The following NHERF2 variants were observed in gnomAD, a reference collection of about 807,000 sequenced individuals.
NHERF2 encodes the protein Na(+)/H(+) exchange regulatory cofactor NHE-RF2.
the NHERF2 span, among the ~76,000 whole-genome samples, chr16:2,030,155 G>A: frequency 2.0e-4 from 31 of 152,198 alleles, no homozygotes; most frequent in Non-Finnish European, 3.2e-4. Context: ...GCCTGTGCTG[G>A]GTGTCATCCG....
At chr16:2,035,848 A>AG in the NHERF2 span, 13 of 255,444 alleles carry the variant, frequency 5.1e-5, no homozygotes, top group South Asian at 1.8e-3. Flanking sequence ...GAAAGCAAAC[A>AG]GAGCCGCCAC....
chr16:2,035,372 C>T, the NHERF2 span: 113 of 984,948 alleles, frequency 1.1e-4, no homozygotes, highest in South Asian at 1.4e-4. Flanking sequence ...CTGAGCGCCC[C>T]CTTGCCATGC....
At chr16:2,037,028 G>A in the NHERF2 span, 1 of 1,548,282 alleles carries the variant, frequency 6.5e-7, no homozygotes, top group East Asian at 2.4e-5. Context: ...ATGAGACACA[G>A]GGTGCCTCTG....
At chr16:2,032,974 C>G in the NHERF2 span, 2 of 1,118,368 alleles carry the variant, frequency 1.8e-6, no homozygotes, top group Non-Finnish European at 2.2e-6. This position sits in a 1 kb window ranked among gnomAD's most constrained non-coding sequence, Gnocchi z 4.0. Context: ...GCGGTGCCTG[C>G]GGGGGCTTCC....
chr16:2,038,969 G>C, the NHERF2 span: 2 of 152,692 alleles, frequency 1.3e-5, no homozygotes, highest in Admixed American at 1.3e-4. Flanking sequence ...CGGCACCGCT[G>C]TTGCCTCGTA....
the NHERF2 span, chr16:2,036,679 G>T: frequency 6.3e-7 from 1 of 1,599,046 alleles, no homozygotes; most frequent in Non-Finnish European, 8.5e-7. Flanking sequence ...ACGCGGCGTT[G>T]GGGGCTGTCT....
At chr16:2,027,366 C>T in the NHERF2 span, 1 of 425,650 alleles carries the variant, frequency 2.3e-6, no homozygotes, top group Non-Finnish European at 3.9e-6. Context: ...CCTTCGGAGT[C>T]CCGGCGCAGG....
At chr16:2,029,312 T>C in the NHERF2 span, among the ~76,000 whole-genome samples, 1 of 150,790 alleles carries the variant, frequency 6.6e-6, no homozygotes, top group Non-Finnish European at 1.5e-5. Flanking sequence ...CAGCCCCGCC[T>C]GGAGAAGACC....
chr16:2,037,924 C>A, the NHERF2 span: 6 of 1,613,072 alleles, frequency 3.7e-6, no homozygotes, highest in South Asian at 6.6e-5. Flanking sequence ...CCATGCGAGT[C>A]AACAAGCGCG....
the NHERF2 span, chr16:2,029,458 A>T: frequency 6.8e-6 from 6 of 888,072 alleles, no homozygotes; most frequent in Non-Finnish European, 1.1e-5. Context: ...CTCTTGGTGC[A>T]GCCACCCGCC....
the NHERF2 span, among the ~76,000 whole-genome samples, chr16:2,031,346 G>T: frequency 6.6e-6 from 1 of 152,164 alleles, no homozygotes; most frequent in Non-Finnish European, 1.5e-5. Flanking sequence ...CTGTCTCCAG[G>T]CTGAGGGTTG....
chr16:2,036,670 C>T, the NHERF2 span: 77 of 1,590,348 alleles, frequency 4.8e-5, no homozygotes, highest in South Asian at 7.8e-5. Context: ...CACCTGGCCA[C>T]GCGGCGTTGG....
the NHERF2 span, chr16:2,036,058 C>G: frequency 4.1e-6 from 2 of 489,188 alleles, no homozygotes; most frequent in East Asian, 3.3e-5. Flanking sequence ...ACGCTGGCCT[C>G]GAGCCAAAGG....
chr16:2,031,598 G>T, the NHERF2 span, among the ~76,000 whole-genome samples: 3 of 152,240 alleles, frequency 2.0e-5, no homozygotes, highest in South Asian at 6.2e-4. Flanking sequence ...TCCTCTGGGT[G>T]TATTTTTAGA....
the NHERF2 span, chr16:2,036,372 C>G: frequency 6.2e-7 from 1 of 1,610,580 alleles, no homozygotes; most frequent in Non-Finnish European, 8.5e-7. Context: ...CTGCCACCTG[C>G]GAAAGGGACC....
chr16:2,027,209 G>A, the NHERF2 span: 3 of 1,383,178 alleles, frequency 2.2e-6, no homozygotes, highest in South Asian at 1.6e-5. Flanking sequence ...AGGGCGAGAC[G>A]CACCACCAGG....
At chr16:2,033,224 C>T in the NHERF2 span, 1 of 1,502,362 alleles carries the variant, frequency 6.7e-7, no homozygotes, top group Non-Finnish European at 8.9e-7. Context: ...GCCCCCACGT[C>T]CCCACCCATC....
At chr16:2,034,019 G>C in the NHERF2 span, among the ~76,000 whole-genome samples, 4 of 152,310 alleles carry the variant, frequency 2.6e-5, no homozygotes, top group African/African-American at 9.6e-5. Flanking sequence ...TGGCCAGAAT[G>C]ACCCTGAGAA....
chr16:2,035,695 TA>T, the NHERF2 span: 1 of 985,160 alleles, frequency 1.0e-6, no homozygotes, highest in Non-Finnish European at 1.2e-6. Context: ...ATGCCAGAGG[TA>T]ACATGGGGCA....
Sources: allele counts gnomAD v4.1 joint callset (sites outside exome capture counted in the v4.1 genomes callset), GRCh38; gene constraint gnomAD v4.1.1; non-coding constraint Gnocchi (gnomAD v3.1); transcripts MANE v1.5; gene names NCBI Gene and HGNC (gene_info 2026-07-23, HGNC 2026-07-21).